The following CTNNA3 variants were observed in gnomAD, a reference collection of about 807,000 sequenced individuals.
CTNNA3 encodes catenin alpha 3, also known as catenin alpha-3.
Under a neutral mutation model 95.7 loss-of-function variants are expected in CTNNA3, and 76 were observed. The ratio of observed to expected loss-of-function variants is 0.79; its 90% confidence interval spans 0.66 to 0.96. The LOEUF (loss-of-function observed/expected upper bound fraction) is 0.96, where lower values mean the gene tolerates loss of function less well. Among genes scored for constraint, CTNNA3 ranks in the 40% least tolerant of loss-of-function variants. The pLI is 0.00. For synonymous variants in CTNNA3, 431 were observed against 374.4 expected (o/e 1.15, Z -1.74); for missense variants, 1,191 against 1,089.8 (o/e 1.09, Z -1.31).
intron 7 of CTNNA3, among the ~76,000 whole-genome samples, chr10:66,937,899 C>T (rs1847797717): frequency 6.6e-6 from 1 of 151,696 alleles, no homozygotes; most frequent in South Asian, 2.1e-4. Context: ...TGTTTTTTTT[C>T]CCCCTCTCCC....
At chr10:67,227,803 T>C (rs1864997236) in intron 5 of CTNNA3, among the ~76,000 whole-genome samples, 1 of 152,128 alleles carries the variant, frequency 6.6e-6, no homozygotes, top group Admixed American at 6.5e-5. Context: ...GGCCATAAAA[T>C]GAGCCTCAAT....
At chr10:67,727,578 A>ATATATGATATATATCATATATCATATAT (rs1491100372) in intron 1 of CTNNA3, among the ~76,000 whole-genome samples, 2 of 127,794 alleles carry the variant, frequency 1.6e-5, no homozygotes, top group Non-Finnish European at 3.1e-5. Flanking sequence ...ATGTAGCATA[A>ATATATGATATATATCATATATCATATAT]TATATGATAT....
intron 15 of CTNNA3, among the ~76,000 whole-genome samples, chr10:66,033,761 A>G (rs571983266): frequency 1.5e-3 from 226 of 152,316 alleles, no homozygotes; most frequent in Admixed American, 4.0e-3. Flanking sequence ...TGGATTTTCT[A>G]TAACTTCAGA....
intron 7 of CTNNA3, chr10:66,928,588 T>A: frequency 1.3e-6 from 1 of 776,440 alleles, no homozygotes; most frequent in East Asian, 2.7e-5. Context: ...GGCAAGATCC[T>A]TCCTTGTCCG....
intron 9 of CTNNA3, among the ~76,000 whole-genome samples, chr10:66,735,917 T>C (rs116759723): frequency 0.011 from 1,642 of 152,326 alleles, 36 homozygotes; most frequent in African/African-American, 0.038. Flanking sequence ...AGGGGCTTTA[T>C]GGAGCATTCC....
At chr10:67,298,276 G>C (rs1840125869) in intron 5 of CTNNA3, among the ~76,000 whole-genome samples, 1 of 152,208 alleles carries the variant, frequency 6.6e-6, no homozygotes, top group Non-Finnish European at 1.5e-5. Flanking sequence ...TAAATGGTCA[G>C]CAGTAGCCCA....
intron 5 of CTNNA3, among the ~76,000 whole-genome samples, chr10:67,344,568 A>G (rs1176426394): frequency 6.6e-6 from 1 of 151,876 alleles, no homozygotes; most frequent in Admixed American, 6.6e-5. Flanking sequence ...TCATGGTTCA[A>G]TCTTGATAGG....
At chr10:66,952,203 C>CCAAAA (rs1848570891) in intron 7 of CTNNA3, among the ~76,000 whole-genome samples, 1 of 152,144 alleles carries the variant, frequency 6.6e-6, no homozygotes, top group African/African-American at 2.4e-5. Flanking sequence ...TGGCAAAAGT[C>CCAAAA]TTTGCTAAGA....
chr10:66,702,654 C>T (rs1486190412), intron 9 of CTNNA3, among the ~76,000 whole-genome samples: 5 of 141,786 alleles, frequency 3.5e-5, no homozygotes, highest in South Asian at 2.2e-4. Flanking sequence ...TGCAGTGAGC[C>T]GAGATCATGC....
At chr10:66,484,685 G>A (rs186349156) in intron 11 of CTNNA3, among the ~76,000 whole-genome samples, 92 of 151,782 alleles carry the variant, frequency 6.1e-4, no homozygotes, top group Admixed American at 2.9e-3. Context: ...ATCAGTAACC[G>A]AAAACCTCCC....
chr10:65,973,869 T>A (rs143432265), intron 16 of CTNNA3, among the ~76,000 whole-genome samples: 2,445 of 152,130 alleles, frequency 0.016, 18 homozygotes, highest in Non-Finnish European at 0.024. Context: ...AGGCCCCACC[T>A]CCAACATTGG....
intron 9 of CTNNA3, among the ~76,000 whole-genome samples, chr10:66,641,372 C>A (rs1845511456): frequency 6.6e-6 from 1 of 151,888 alleles, no homozygotes; most frequent in African/African-American, 2.4e-5. Flanking sequence ...TATTATGTCT[C>A]AACCCACATA....
At chr10:67,392,077 C>T (rs1844517942) in intron 5 of CTNNA3, among the ~76,000 whole-genome samples, 1 of 152,110 alleles carries the variant, frequency 6.6e-6, no homozygotes, top group Non-Finnish European at 1.5e-5. Flanking sequence ...AACTCAAGAG[C>T]TTCTGCACAG....
At chr10:67,110,042 A>G (rs1394317714) in intron 7 of CTNNA3, among the ~76,000 whole-genome samples, 1 of 152,142 alleles carries the variant, frequency 6.6e-6, no homozygotes, top group African/African-American at 2.4e-5. Context: ...CCCAATATAT[A>G]AAATGTATAC....
At chr10:67,622,886 C>T (rs563500811) in intron 2 of CTNNA3, among the ~76,000 whole-genome samples, 41 of 152,266 alleles carry the variant, frequency 2.7e-4, no homozygotes, top group African/African-American at 8.9e-4. Flanking sequence ...CTTCATCCTA[C>T]CATAAAAATA....
intron 1 of CTNNA3, chr10:67,750,966 G>C: frequency 2.5e-6 from 4 of 1,600,672 alleles, no homozygotes; most frequent in Non-Finnish European, 2.6e-6. Context: ...ACCCTTCCCT[G>C]CTGGAGGATC....
At chr10:67,737,642 A>T (rs1461009931) in intron 1 of CTNNA3, among the ~76,000 whole-genome samples, 1 of 152,224 alleles carries the variant, frequency 6.6e-6, no homozygotes, top group Non-Finnish European at 1.5e-5. Flanking sequence ...CAGCCAAAAG[A>T]CACATGAAAA....
chr10:66,364,166 T>C (rs746808334), intron 12 of CTNNA3, among the ~76,000 whole-genome samples: 16 of 150,466 alleles, frequency 1.1e-4, no homozygotes, highest in East Asian at 1.9e-4. Context: ...GTTCTTGTTA[T>C]ATATATATAA....
At chr10:66,319,334 G>A (rs139653282) in intron 12 of CTNNA3, among the ~76,000 whole-genome samples, 31 of 152,084 alleles carry the variant, frequency 2.0e-4, no homozygotes, top group African/African-American at 7.0e-4. Flanking sequence ...TTACATTAAC[G>A]GAATCCCAAT....
Sources: gnomAD v4.1 joint callset for allele counts (sites outside exome capture counted in the v4.1 genomes callset) on GRCh38, gnomAD v4.1.1 for gene constraint, MANE v1.5 for transcripts, NCBI Gene and HGNC (gene_info 2026-07-23, HGNC 2026-07-21) for gene names.